IGF2R: variants seen among roughly 807,000 people sequenced by gnomAD.
The protein encoded by IGF2R is cation-independent mannose-6-phosphate receptor.
IGF2R carries 91 observed loss-of-function variants against 270.6 expected under a neutral mutation model. That is an observed-to-expected ratio of 0.34 (90% CI 0.28 to 0.40). IGF2R has a LOEUF of 0.40. Among genes scored for constraint, IGF2R ranks in the 10% least tolerant of loss-of-function variants. The pLI is 1.00. For synonymous variants in IGF2R, 1,316 were observed against 1,258.9 expected, an observed-to-expected ratio of 1.05 and a Z score of -0.96; for missense variants, 2,805 against 3,188.3, an observed-to-expected ratio of 0.88 and a Z score of 2.90.
chr6:160,000,772 G>C (rs908020962), intron 2 of IGF2R, among the ~76,000 whole-genome samples: 1 of 112,428 alleles, frequency 8.9e-6, no homozygotes, highest in African/African-American at 3.5e-5. Flanking sequence ...ATCTTGCTCT[G>C]TTGCCCAGGC....
At chr6:160,024,417 C>T (rs564215663) in intron 4 of IGF2R, among the ~76,000 whole-genome samples, 155 bp from the exon 5 acceptor site, 58 of 152,240 alleles carry the variant, frequency 3.8e-4, no homozygotes, top group Middle Eastern at 3.4e-3. Context: ...GGAGCCAAGA[C>T]GTTTATTGAC....
chr6:160,012,678 A>G (rs1784352363), intron 4 of IGF2R, among the ~76,000 whole-genome samples: 1 of 151,322 alleles, frequency 6.6e-6, no homozygotes, highest in Non-Finnish European at 1.5e-5. Context: ...ACAATTTGAC[A>G]CAAGATTTGA....
intron 2 of IGF2R, among the ~76,000 whole-genome samples, chr6:160,002,926 A>C (rs1784151796): frequency 6.6e-6 from 1 of 152,192 alleles, no homozygotes; most frequent in African/African-American, 2.4e-5. Context: ...TAATCTTCTG[A>C]GGATTACAGC....
In IGF2R at chr6:160,060,551, C is replaced by T. The variant is rs200331891; in HGVS notation, c.3096C>T (p.Thr1032=). The T allele has an allele frequency of 1.1e-4, 184 of 1,614,184 alleles. No individual in the cohort carries two copies. Among genetic ancestry groups the T allele is most frequent in the Middle Eastern group, 1.6e-4 (1 of 6,062 alleles). ...TYKGPLSAKG[T]ADAFIVRFVC... ...CTGGGCCTTCTTGCTTTACAGGTAC[C>T]GCTGATGCTTTTATCGTCCGCTTTG... Residue 1032 remains threonine (T), a synonymous_variant, in exon 23 of 48, where the codon ACC becomes ACT. Coordinates refer to ENST00000356956, the MANE Select transcript of IGF2R (RefSeq NM_000876.4).
chr6:160,080,772 A>G (rs926331834), intron 39 of IGF2R, among the ~76,000 whole-genome samples: 1 of 152,132 alleles, frequency 6.6e-6, no homozygotes, highest in Admixed American at 6.5e-5. Context: ...AGAGGAGCCA[A>G]CTGCTGTGAC....
intron 39 of IGF2R, among the ~76,000 whole-genome samples, chr6:160,080,605 G>T (rs541763489): frequency 6.6e-6 from 1 of 152,302 alleles, no homozygotes; most frequent in South Asian, 2.1e-4. Context: ...ATGAATGTCT[G>T]CTATGGGTCT....
intron 4 of IGF2R, among the ~76,000 whole-genome samples, chr6:160,023,295 C>T (rs1455221867): frequency 6.6e-6 from 1 of 151,828 alleles, no homozygotes; most frequent in Non-Finnish European, 1.5e-5. Flanking sequence ...GAGAACTTGG[C>T]GGTGGGGCAG....
intron 5 of IGF2R, 136 bp downstream of exon 5, chr6:160,024,840 C>A (rs1777520644): frequency 3.1e-6 from 3 of 970,290 alleles, no homozygotes; most frequent in Non-Finnish European, 4.5e-6. Context: ...CTTTTGTCCC[C>A]AAAAATGTTC....
At position 160,069,872 on chromosome 6, in the gene IGF2R, G is replaced by A. The variant is rs770061238; in HGVS notation, c.4257G>A (p.Pro1419=). Residue 1419 remains proline, a synonymous_variant, in exon 31 of 48, where the codon CCG becomes CCA. Coordinates refer to ENST00000356956, the MANE Select transcript of IGF2R (RefSeq NM_000876.4). The part of the protein sequence containing the change: ...KSLAPQAGTE[P]CPPEAAACLL... ...TTCTTGTGTCTGGTGCTGCAGAGCC[G>A]TGCCCTCCAGAAGCAGCCGCGTGTC... 34 of 1,613,558 alleles carry A rather than the reference G, an allele frequency of 2.1e-5. No individual in the cohort carries two copies. The highest frequency in any genetic ancestry group is 2.2e-5 in the East Asian group (1 of 44,898).
chr6:160,059,827 G>T (rs577696788), intron 22 of IGF2R, among the ~76,000 whole-genome samples: 2 of 152,310 alleles, frequency 1.3e-5, no homozygotes, highest in African/African-American at 4.8e-5. Flanking sequence ...CTTGCTCCTC[G>T]CTCTGCAACC....
At position 160,004,139 on chromosome 6, in the gene IGF2R, G is replaced by A. The variant is rs901791861; in HGVS notation, c.290-4871G>A. ...GTGAATAGTATATGTTGAAGGAAACGCTAAGTGGGTGGTGCAGGGGAGAGA... is the reference window on the plus strand; with the variant it reads ...GTGAATAGTATATGTTGAAGGAAACACTAAGTGGGTGGTGCAGGGGAGAGA... On this transcript the variant is annotated intron_variant, in intron 2 of 47. Transcript: ENST00000356956. This position sits in a 1 kb window ranked among gnomAD's most constrained non-coding sequence, Gnocchi z 5.2. The A allele has an allele frequency of 1.3e-5, 2 of 152,088 alleles. No individual in the cohort carries two copies. Among genetic ancestry groups the A allele is most frequent in the Non-Finnish European group, 2.9e-5 (2 of 68,012 alleles). 9.4% of individuals were successfully genotyped at this position (152,088 alleles called of 1,614,324 possible). A position where few individuals can be genotyped will look rare whatever the true frequency, so the allele number is the denominator to read the frequency against.
chr6:159,989,298 G>C (rs1022620829), intron 1 of IGF2R, among the ~76,000 whole-genome samples: 10 of 152,284 alleles, frequency 6.6e-5, no homozygotes, highest in Admixed American at 6.5e-4. Context: ...CTAGTTCAGG[G>C]TTGGGGAGGA....
At chr6:160,069,415 T>C (rs1412371618) in intron 30 of IGF2R, among the ~76,000 whole-genome samples, 1 of 152,170 alleles carries the variant, frequency 6.6e-6, no homozygotes, top group African/African-American at 2.4e-5. Flanking sequence ...CGACAGTGGC[T>C]GTACCCCTGT....
intron 45 of IGF2R, among the ~76,000 whole-genome samples, chr6:160,097,301 C>A (rs571477425): frequency 6.6e-6 from 1 of 152,040 alleles, no homozygotes; most frequent in Non-Finnish European, 1.5e-5. Flanking sequence ...TCTTATGTTA[C>A]CCCCACCCAT....
At position 160,047,815 on chromosome 6, in the gene IGF2R, C is replaced by G; in HGVS notation, c.2253C>G (p.Asn751Lys). 1.2e-6 allele frequency: 2 copies of G among 1,613,668 alleles called. No individual in the cohort carries two copies. Among genetic ancestry groups the G allele is most frequent in the Non-Finnish European group, 1.7e-6 (2 of 1,179,490 alleles). ...EYQEEDNSTY[N>K]FRWYTSYACP... ...AGGAAGAGGATAACTCCACCTACAA[C>G]TTCCGGTGGTACACCAGCTATGCCT... The change falls in exon 17 of 48, where the codon AAC (asparagine) becomes AAG (lysine). Residue 751 changes from asparagine to lysine, a missense_variant. Asn to Lys is a moderately conservative substitution (Grantham distance 94, BLOSUM62 0). Coordinates refer to ENST00000356956, the MANE Select transcript of IGF2R (RefSeq NM_000876.4).
chr6:160,096,578 C>G lies in IGF2R; in HGVS notation c.6795C>G (p.Asp2265Glu). Reference protein sequence around the residue: ...GIPEFSHETADCQYLFSWYTS... With the variant: ...GIPEFSHETAECQYLFSWYTS... ...CCGAGTTCAGTCACGAGACTGCCGACTGCCAGTACCTCTTCTCTTGGTACA... is the reference window on the plus strand; with the variant it reads ...CCGAGTTCAGTCACGAGACTGCCGAGTGCCAGTACCTCTTCTCTTGGTACA... Residue 2265 changes from aspartate to glutamate, a missense_variant, in exon 45 of 48, where the codon GAC becomes GAG. By Grantham distance (45) the Asp-to-Glu change is conservative (BLOSUM62 2). Transcript: ENST00000356956. 6.2e-7 allele frequency: 1 copy of G among 1,614,180 alleles called. No individual in the cohort carries two copies. Among genetic ancestry groups the G allele is most frequent in the Non-Finnish European group, 8.5e-7 (1 of 1,180,004 alleles).
chr6:159,992,636 ACAC>A (rs1364813422), intron 2 of IGF2R, among the ~76,000 whole-genome samples: 2 of 152,090 alleles, frequency 1.3e-5, no homozygotes, highest in Non-Finnish European at 2.9e-5. Flanking sequence ...ACACAAACAC[ACAC>A]CACATTTTTT....
At chr6:160,018,145 C>G (rs979788213) in intron 4 of IGF2R, among the ~76,000 whole-genome samples, 3 of 151,872 alleles carry the variant, frequency 2.0e-5, no homozygotes, top group African/African-American at 7.3e-5. Flanking sequence ...AAGACATACA[C>G]TGAAGCTAAA....
intron 10 of IGF2R, among the ~76,000 whole-genome samples, chr6:160,038,652 C>T (rs752328777): frequency 3.3e-5 from 5 of 152,096 alleles, no homozygotes; most frequent in Admixed American, 6.5e-5. Context: ...GGCAGAGGCG[C>T]GTCACTGTTG....
Sources: gnomAD v4.1 joint callset for allele counts (sites outside exome capture counted in the v4.1 genomes callset) on GRCh38, gnomAD v4.1.1 for gene constraint, Gnocchi (gnomAD v3.1) non-coding constraint, MANE v1.5 for transcripts, NCBI Gene and HGNC (gene_info 2026-07-23, HGNC 2026-07-21) for gene names.